Variants in NDST4 observed in about 807,000 individuals in gnomAD.
NDST4 encodes the protein N-heparan sulfate sulfotransferase 4.
Under a neutral mutation model 100.8 loss-of-function variants are expected in NDST4, and 63 were observed. The observed-to-expected ratio is 0.62, with a 90% CI of 0.51 to 0.77. NDST4 has a LOEUF of 0.77. NDST4 is among the 30% of genes least tolerant of loss of function. The probability of loss-of-function intolerance (pLI) is 0.00; values close to 1 mark genes in which losing one functional copy is unlikely to be tolerated. For missense variants in NDST4, 943 were observed against 1,018.4 expected (o/e 0.93, Z 1.01); for synonymous variants, 377 against 361.8 (o/e 1.04, Z -0.48).
chr4:114,993,868 A>ATACAT (rs1180347933), intron 2 of NDST4, among the ~76,000 whole-genome samples: 4 of 152,016 alleles, frequency 2.6e-5, no homozygotes, highest in African/African-American at 9.7e-5. Flanking sequence ...AAGTGATCAC[A>ATACAT]TACATTCCAT....
At chr4:114,956,234 T>C (rs1726138550) in intron 4 of NDST4, among the ~76,000 whole-genome samples, 1 of 152,164 alleles carries the variant, frequency 6.6e-6, no homozygotes, top group African/African-American at 2.4e-5. Context: ...AAGTAGACAA[T>C]TGTAGTTACC....
Position 115,076,880 on chromosome 4 carries a change from T to G in NDST4, c.157A>C (p.Thr53Pro). ...LIETTAEAEC[T>P]DIKILPYRSM... ...CTATATGGTAGAATTTTGATGTCAG[T>G]GCATTCTGCTTCTGCAGTGGTTTCA... The change falls in exon 2 of 14, where the codon ACT becomes CCT. Residue 53 changes from threonine (T) to proline (P), a missense_variant. Thr to Pro is a conservative substitution (Grantham distance 38, BLOSUM62 -1). Transcript: ENST00000264363. 2 of 1,613,852 alleles carry G rather than the reference T, an allele frequency of 1.2e-6. No homozygotes were observed. Among genetic ancestry groups the G allele is most frequent in the East Asian group, 2.2e-5 (1 of 44,766 alleles).
chr4:114,886,101 A>G (rs1724471368), intron 6 of NDST4, among the ~76,000 whole-genome samples: 1 of 152,120 alleles, frequency 6.6e-6, no homozygotes, highest in Admixed American at 6.6e-5. Context: ...CTATATTTCA[A>G]AAGACTTCAA....
At chr4:114,839,683 A>C (rs1723385915) in intron 10 of NDST4, 135 bp from the exon 11 acceptor site, 1 of 602,848 alleles carries the variant, frequency 1.7e-6, no homozygotes, top group African/African-American at 1.8e-5. Flanking sequence ...ATGTCACAAA[A>C]TAATAACAAA....
intron 2 of NDST4, among the ~76,000 whole-genome samples, chr4:115,047,926 AC>A (rs144320078): frequency 0.014 from 2,204 of 152,166 alleles, 64 homozygotes; most frequent in African/African-American, 0.05. Context: ...ATTTTTTTCA[AC>A]CTTTTTAAAA....
intron 2 of NDST4, among the ~76,000 whole-genome samples, chr4:115,036,004 C>T (rs1728225529): frequency 6.6e-6 from 1 of 151,882 alleles, no homozygotes; most frequent in African/African-American, 2.4e-5. Flanking sequence ...AATTGGGACT[C>T]TAAGCTTTTG....
At chr4:115,058,977 A>G (rs2126282458) in intron 2 of NDST4, among the ~76,000 whole-genome samples, 1 of 133,846 alleles carries the variant, frequency 7.5e-6, no homozygotes, top group South Asian at 2.3e-4. Flanking sequence ...AGAGTTCTGA[A>G]GCTACACACA....
chr4:115,050,937 T>C (rs1025480441), intron 2 of NDST4, among the ~76,000 whole-genome samples: 7 of 151,942 alleles, frequency 4.6e-5, no homozygotes, highest in Non-Finnish European at 1.0e-4. Flanking sequence ...CAGGAGAAAA[T>C]CCCCGGATTA....
chr4:114,884,032 TAGAG>T (rs1724427275), intron 6 of NDST4, among the ~76,000 whole-genome samples: 1 of 152,066 alleles, frequency 6.6e-6, no homozygotes, highest in African/African-American at 2.4e-5. Context: ...AGTCAAGAGA[TAGAG>T]AAAGTCATGC....
At chr4:115,033,129 G>GTATATATA (rs1728149735) in intron 2 of NDST4, among the ~76,000 whole-genome samples, 6 of 55,884 alleles carry the variant, frequency 1.1e-4, no homozygotes, top group African/African-American at 4.3e-4. Context: ...ATATATATAT[G>GTATATATA]TGTATATATA....
intron 2 of NDST4, among the ~76,000 whole-genome samples, chr4:115,075,046 A>C (rs966126156): frequency 1.3e-5 from 2 of 152,238 alleles, no homozygotes; most frequent in Non-Finnish European, 2.9e-5. Context: ...TATTGGCTTT[A>C]TTTTTATTTA....
At chr4:115,000,812 A>C (rs1727275052) in intron 2 of NDST4, among the ~76,000 whole-genome samples, 1 of 152,160 alleles carries the variant, frequency 6.6e-6, no homozygotes, top group Non-Finnish European at 1.5e-5. Context: ...ACCACAGACT[A>C]AGGAGCTGAT....
At chr4:115,016,456 A>C (rs1025445306) in intron 2 of NDST4, among the ~76,000 whole-genome samples, 2 of 152,086 alleles carry the variant, frequency 1.3e-5, no homozygotes, top group Non-Finnish European at 2.9e-5. Flanking sequence ...CTATAATTTT[A>C]TGTGTTGCTG....
chr4:114,904,717 A>T (rs1724914492), intron 6 of NDST4, among the ~76,000 whole-genome samples: 2 of 152,034 alleles, frequency 1.3e-5, no homozygotes, highest in Non-Finnish European at 2.9e-5. Context: ...TTTACAGGGA[A>T]TAAGAGGTAT....
chr4:114,921,942 C>G (rs1725296324), intron 6 of NDST4, among the ~76,000 whole-genome samples: 2 of 151,992 alleles, frequency 1.3e-5, no homozygotes, highest in South Asian at 4.1e-4. Flanking sequence ...CTCCCCTGTT[C>G]TCTCATTTCC....
chr4:114,950,267 A>T (rs1228440773), intron 4 of NDST4, among the ~76,000 whole-genome samples: 4 of 151,950 alleles, frequency 2.6e-5, no homozygotes, highest in Non-Finnish European at 4.4e-5. Context: ...TCAACATTTT[A>T]TCCACTTTTC....
intron 2 of NDST4, among the ~76,000 whole-genome samples, chr4:115,018,234 A>G (rs74501049): frequency 0.035 from 5,255 of 152,042 alleles, 325 homozygotes; most frequent in African/African-American, 0.12. Flanking sequence ...CTCTGAATGT[A>G]CTAATTTCCA....
In NDST4 at chr4:114,839,514, C is replaced by A. The variant is rs1325465409; in HGVS notation, c.2150G>T (p.Arg717Met). The A allele has an allele frequency of 6.2e-7, 1 of 1,613,566 alleles. No homozygotes were observed. Among genetic ancestry groups the A allele is most frequent in the African/African-American group, 1.3e-5 (1 of 74,884 alleles). Residue 717 changes from arginine to methionine, a missense_variant, in exon 11 of 14, where the codon AGG (arginine) becomes ATG (methionine). Coordinates refer to ENST00000264363, the MANE Select transcript of NDST4 (RefSeq NM_022569.3). ...QRSHEDPAAL[R>M]FNFYEVISTG... ...TGAAATAACTTCATAGAAATTGAAC[C>A]TCAGAGCAGCTGGATCTTCATGTGA...
chr4:114,994,463 A>G (rs1727116760), intron 2 of NDST4, among the ~76,000 whole-genome samples: 1 of 151,914 alleles, frequency 6.6e-6, no homozygotes, highest in African/African-American at 2.4e-5. Context: ...AAAAGTACCT[A>G]GAACACAGAG....
Sources: allele counts gnomAD v4.1 joint callset (sites outside exome capture counted in the v4.1 genomes callset), GRCh38; gene constraint gnomAD v4.1.1; transcripts MANE v1.5; gene names NCBI Gene and HGNC (gene_info 2026-07-23, HGNC 2026-07-21).